GPHN: variants seen among roughly 807,000 people sequenced by gnomAD.
The protein encoded by GPHN is gephyrin.
In GPHN, 17 loss-of-function variants were observed where a neutral mutation model predicts 95.5. That is an observed-to-expected ratio of 0.18 (90% CI 0.12 to 0.27). The LOEUF (loss-of-function observed/expected upper bound fraction) is 0.27, where lower values mean the gene tolerates loss of function less well. GPHN is among the 10% of genes least tolerant of loss of function. GPHN has a pLI of 1.00. For missense variants in GPHN, 660 were observed against 978.1 expected (o/e 0.67, Z 4.34); for synonymous variants, 320 against 322.5 (o/e 0.99, Z 0.08).
chr14:66,904,974 G>A (rs2065304777), intron 5 of GPHN, among the ~76,000 whole-genome samples: 1 of 152,010 alleles, frequency 6.6e-6, no homozygotes, highest in African/African-American at 2.4e-5. Context: ...GTGAAGATTT[G>A]GAAAGTTCTA....
chr14:67,036,536 C>CAG (rs1432925995), intron 10 of GPHN, among the ~76,000 whole-genome samples: 6 of 149,640 alleles, frequency 4.0e-5, no homozygotes, highest in African/African-American at 1.5e-4. Flanking sequence ...CACACACACA[C>CAG]ACACAGAGAA....
intron 2 of GPHN, among the ~76,000 whole-genome samples, chr14:66,717,671 A>T (rs2070312455): frequency 6.6e-6 from 1 of 152,164 alleles, no homozygotes; most frequent in African/African-American, 2.4e-5. Context: ...GAAGTCTGTT[A>T]TTCAGATTCT....
the GPHN span, among the ~76,000 whole-genome samples, chr14:67,597,853 C>G: frequency 6.6e-6 from 1 of 151,390 alleles, no homozygotes; most frequent in East Asian, 1.9e-4. Flanking sequence ...TGGTTAGTGA[C>G]CAATATAATT....
At chr14:66,527,769 G>T (rs938736158) in intron 1 of GPHN, among the ~76,000 whole-genome samples, 8 of 152,164 alleles carry the variant, frequency 5.3e-5, no homozygotes, top group African/African-American at 1.7e-4. Context: ...CCATGTAGTT[G>T]TGTGGTTTTG....
chr14:67,589,359 GA>G, the GPHN span: 21 of 984,120 alleles, frequency 2.1e-5, no homozygotes, highest in Non-Finnish European at 2.5e-5. Context: ...TCCCATGTCT[GA>G]AAACCAAAGT....
the GPHN span, among the ~76,000 whole-genome samples, chr14:67,247,804 C>T: frequency 6.6e-6 from 1 of 152,074 alleles, no homozygotes; most frequent in African/African-American, 2.4e-5. Context: ...GTCTCAAATT[C>T]CTGGGCTCAA....
chr14:67,659,454 A>G, the GPHN span, among the ~76,000 whole-genome samples: 1 of 152,206 alleles, frequency 6.6e-6, no homozygotes, highest in Admixed American at 6.5e-5. Flanking sequence ...TTTACATTCT[A>G]CTACATACAA....
At chr14:67,695,544 T>C in the GPHN span, 3 of 1,394,672 alleles carry the variant, frequency 2.2e-6, no homozygotes, top group Non-Finnish European at 3.0e-6. Context: ...AGGGGAGTTT[T>C]CCAAGAAAGC....
At chr14:67,486,341 C>G in the GPHN span, among the ~76,000 whole-genome samples, 1 of 152,258 alleles carries the variant, frequency 6.6e-6, no homozygotes, top group East Asian at 1.9e-4. Context: ...ATGGCACGAT[C>G]TTGGCTCACT....
chr14:66,677,024 T>C (rs1595507613), intron 1 of GPHN, among the ~76,000 whole-genome samples: 1 of 152,210 alleles, frequency 6.6e-6, no homozygotes, highest in East Asian at 1.9e-4. Context: ...TGAGATTATA[T>C]GTGTCCAGGA....
At chr14:67,581,868 T>G in the GPHN span, 2 of 561,020 alleles carry the variant, frequency 3.6e-6, no homozygotes, top group Non-Finnish European at 6.4e-6. Flanking sequence ...TGCCCTCCTG[T>G]TGGTATGAGA....
the GPHN span, among the ~76,000 whole-genome samples, chr14:67,681,959 C>A: frequency 1.3e-5 from 2 of 152,118 alleles, no homozygotes; most frequent in Non-Finnish European, 2.9e-5. Context: ...TGCCCTCATA[C>A]CTGGATTAAT....
the GPHN span, among the ~76,000 whole-genome samples, chr14:67,299,036 T>G: frequency 6.6e-6 from 1 of 152,234 alleles, no homozygotes; most frequent in South Asian, 2.1e-4. Context: ...ATTTCATTCT[T>G]TGAATATCCC....
At chr14:67,376,683 C>A in the GPHN span, 1 of 1,359,694 alleles carries the variant, frequency 7.4e-7, no homozygotes, top group Non-Finnish European at 1.0e-6. Context: ...AAATACTTGC[C>A]AAATTTAGAT....
chr14:67,541,865 A>G, the GPHN span: 18 of 1,596,290 alleles, frequency 1.1e-5, no homozygotes, highest in East Asian at 9.0e-5. Flanking sequence ...AGTCGATTCC[A>G]TCATGGCAGA....
At chr14:67,179,432 G>A (rs2083203214) in intron 21 of GPHN, 146 bp from the exon 22 acceptor site, 1 of 647,300 alleles carries the variant, frequency 1.5e-6, no homozygotes, top group Admixed American at 2.6e-5. Context: ...AAAAGAAAAA[G>A]AACATAAGGT....
At chr14:67,439,545 CTT>C in the GPHN span, among the ~76,000 whole-genome samples, 1,360 of 137,992 alleles carry the variant, frequency 9.9e-3, 11 homozygotes, top group Middle Eastern at 0.022. Flanking sequence ...TTCTTTCTTT[CTT>C]TCTTTCTTTC....
intron 9 of GPHN, among the ~76,000 whole-genome samples, chr14:66,992,301 TGGAA>T (rs1204042654): frequency 6.6e-6 from 1 of 152,016 alleles, no homozygotes; most frequent in Non-Finnish European, 1.5e-5. Context: ...AGTGATGAAA[TGGAA>T]GGAATATGAC....
intron 2 of GPHN, among the ~76,000 whole-genome samples, chr14:66,775,056 C>T (rs1340833746): frequency 2.0e-5 from 3 of 151,496 alleles, no homozygotes; most frequent in South Asian, 4.2e-4. Flanking sequence ...TCAGGGTGTA[C>T]ATTTGCAGGT....
Sources: gnomAD v4.1 joint callset for allele counts (sites outside exome capture counted in the v4.1 genomes callset) on GRCh38, gnomAD v4.1.1 for gene constraint, MANE v1.5 for transcripts, NCBI Gene and HGNC (gene_info 2026-07-23, HGNC 2026-07-21) for gene names.